The following ITFG1 variants were observed in gnomAD, a reference collection of about 807,000 sequenced individuals.
ITFG1 encodes the protein integrin alpha FG-GAP repeat containing 1.
In ITFG1, 34 loss-of-function variants were observed where a neutral mutation model predicts 81.8. The observed-to-expected ratio is 0.42, with a 90% CI of 0.32 to 0.55. The LOEUF (loss-of-function observed/expected upper bound fraction) is 0.55, where lower values mean the gene tolerates loss of function less well. Among genes scored for constraint, ITFG1 ranks in the 20% least tolerant of loss-of-function variants. The pLI, the probability that ITFG1 is intolerant of heterozygous loss-of-function variation, is 0.17. For synonymous variants in ITFG1, 285 were observed against 270.6 expected (o/e 1.05, Z -0.52); for missense variants, 672 against 755.4 (o/e 0.89, Z 1.29).
At chr16:47,421,303 CACATACAT>C (rs761646520) in intron 6 of ITFG1, among the ~76,000 whole-genome samples, 1 of 145,124 alleles carries the variant, frequency 6.9e-6, no homozygotes, top group African/African-American at 2.8e-5. Flanking sequence ...CACACACACA[CACATACAT>C]ATTTTTTTTT....
chr16:47,363,160 A>G (rs890670503), intron 8 of ITFG1, among the ~76,000 whole-genome samples: 3 of 152,106 alleles, frequency 2.0e-5, no homozygotes, highest in Non-Finnish European at 4.4e-5. Flanking sequence ...CAGCCTCCCA[A>G]AGTGTTGGCA....
intron 6 of ITFG1, among the ~76,000 whole-genome samples, chr16:47,427,225 G>A (rs1448774557): frequency 6.6e-6 from 1 of 152,146 alleles, no homozygotes; most frequent in Admixed American, 6.6e-5. Flanking sequence ...GATCTATGCT[G>A]AGGAAAACTG....
intron 13 of ITFG1, among the ~76,000 whole-genome samples, chr16:47,227,404 T>G (rs749359413): frequency 3.9e-5 from 6 of 152,148 alleles, no homozygotes; most frequent in African/African-American, 7.2e-5. Context: ...GAAGTTAAAT[T>G]TAGACATATT....
chr16:47,328,324 G>T (rs1967588652), intron 8 of ITFG1, among the ~76,000 whole-genome samples: 1 of 152,098 alleles, frequency 6.6e-6, no homozygotes, highest in Non-Finnish European at 1.5e-5. Flanking sequence ...ACAGTTGTGG[G>T]GTGGGGGAAG....
At chr16:47,263,456 G>T in intron 10 of ITFG1, 2 of 393,342 alleles carry the variant, frequency 5.1e-6, no homozygotes, top group South Asian at 4.5e-5. Flanking sequence ...AGTCTCCAGT[G>T]ACAATGCAGT....
intron 14 of ITFG1, among the ~76,000 whole-genome samples, chr16:47,189,985 G>T (rs1293982380): frequency 1.3e-5 from 2 of 152,118 alleles, no homozygotes; most frequent in Non-Finnish European, 2.9e-5. Flanking sequence ...AGTTGTATTA[G>T]GGTGGTAAAC....
intron 10 of ITFG1, among the ~76,000 whole-genome samples, chr16:47,262,093 A>T (rs1460511408): frequency 6.6e-6 from 1 of 152,262 alleles, no homozygotes; most frequent in Non-Finnish European, 1.5e-5. Flanking sequence ...TTTAACACAG[A>T]ATAGAAACCA....
chr16:47,359,979 G>C (rs892788867), intron 8 of ITFG1, among the ~76,000 whole-genome samples: 2 of 152,076 alleles, frequency 1.3e-5, no homozygotes, highest in African/African-American at 4.8e-5. Flanking sequence ...CTTGAGGCTT[G>C]GCTATATGCC....
intron 8 of ITFG1, among the ~76,000 whole-genome samples, chr16:47,319,405 G>C (rs1234464582): frequency 6.6e-6 from 1 of 152,162 alleles, no homozygotes; most frequent in Non-Finnish European, 1.5e-5. Context: ...ACCGAAGCTG[G>C]AATAACAGTA....
chr16:47,402,943 T>C (rs1968680342), intron 6 of ITFG1, among the ~76,000 whole-genome samples: 1 of 152,186 alleles, frequency 6.6e-6, no homozygotes, highest in East Asian at 1.9e-4. Flanking sequence ...GTGTTATTCC[T>C]ATGCAATAAC....
intron 4 of ITFG1, among the ~76,000 whole-genome samples, chr16:47,451,896 G>A (rs1969394413): frequency 6.6e-6 from 1 of 152,168 alleles, no homozygotes; most frequent in South Asian, 2.1e-4. Flanking sequence ...ACCCTTGAAT[G>A]ATAAGGATAC....
At chr16:47,421,285 CACACACACACACACACACACAT>C (rs1968944362) in intron 6 of ITFG1, among the ~76,000 whole-genome samples, 1 of 149,956 alleles carries the variant, frequency 6.7e-6, no homozygotes, top group African/African-American at 2.5e-5. Context: ...CACACACACA[CACACACACACACACACACACAT>C]ACATATTTTT....
chr16:47,442,703 G>T (rs1439682568), intron 5 of ITFG1, among the ~76,000 whole-genome samples: 2 of 152,164 alleles, frequency 1.3e-5, no homozygotes, highest in Non-Finnish European at 2.9e-5. Context: ...GCCATATGGA[G>T]AAAGCTGAAA....
At chr16:47,227,109 T>C (rs576353388) in intron 13 of ITFG1, among the ~76,000 whole-genome samples, 2 of 152,318 alleles carry the variant, frequency 1.3e-5, no homozygotes, top group East Asian at 3.9e-4. Flanking sequence ...ATACAACTGA[T>C]ACCTGGGCCT....
chr16:47,414,402 T>C (rs1025626185), intron 6 of ITFG1, among the ~76,000 whole-genome samples: 2 of 152,034 alleles, frequency 1.3e-5, no homozygotes, highest in African/African-American at 4.8e-5. Context: ...GATGCATGCC[T>C]GTAATTCCAG....
chr16:47,414,127 T>C (rs1025234639), intron 6 of ITFG1, among the ~76,000 whole-genome samples: 1 of 152,066 alleles, frequency 6.6e-6, no homozygotes, highest in African/African-American at 2.4e-5. Context: ...AGCCGAGATG[T>C]ACTTATAAAA....
chr16:47,333,299 C>T (rs570729899), intron 8 of ITFG1, among the ~76,000 whole-genome samples: 1 of 152,248 alleles, frequency 6.6e-6, no homozygotes, highest in East Asian at 1.9e-4. Context: ...AAAGCCAATA[C>T]ATGGCAGGCA....
chr16:47,243,747 A>G (rs755075550), intron 12 of ITFG1, among the ~76,000 whole-genome samples: 2 of 152,174 alleles, frequency 1.3e-5, no homozygotes, highest in Non-Finnish European at 2.9e-5. Flanking sequence ...GTTCCATTTA[A>G]AAGTATGTGT....
intron 10 of ITFG1, among the ~76,000 whole-genome samples, chr16:47,308,674 C>T (rs1201879841): frequency 2.0e-5 from 3 of 152,140 alleles, no homozygotes; most frequent in African/African-American, 7.2e-5. Flanking sequence ...AACTAACAGG[C>T]AATATATTAC....
Sources: gnomAD v4.1 joint callset for allele counts (sites outside exome capture counted in the v4.1 genomes callset) on GRCh38, gnomAD v4.1.1 for gene constraint, MANE v1.5 for transcripts, NCBI Gene and HGNC (gene_info 2026-07-23, HGNC 2026-07-21) for gene names.